Variants in SNX2 observed in about 807,000 individuals in gnomAD.
SNX2 encodes the protein sorting nexin-2.
A neutral mutation model predicts 69.9 loss-of-function variants in SNX2; 25 were observed. The ratio of observed to expected loss-of-function variants is 0.36; its 90% confidence interval spans 0.26 to 0.50. The LOEUF is 0.50. Ranked by LOEUF, SNX2 falls within the 20% of genes least tolerant of loss-of-function variation. The pLI is 0.97. For synonymous variants in SNX2, 229 were observed against 200.4 expected (o/e 1.14, Z -1.20); for missense variants, 551 against 613.3 (o/e 0.90, Z 1.07).
At position 122,834,463 on chromosome 5, in the gene SNX2, G is replaced by C. The variant is rs1754365186; in HGVS notation, c.*4815G>C. On this transcript the variant is annotated 3_prime_UTR_variant, in exon 15 of 15. Transcript: ENST00000379516. ...GTTAATGGGATAAACCGTTTTAAGA[G>C]AGTTGAGAAAAAATAAAGTTCTATT... 1 of 152,162 alleles carries C rather than the reference G, an allele frequency of 6.6e-6. No homozygotes were observed. Among genetic ancestry groups the C allele is most frequent in the Non-Finnish European group, 1.5e-5 (1 of 68,004 alleles). The allele number at this position is 152,162 out of a possible 1,614,324, so 9.4% of individuals were successfully genotyped here. A position where few individuals can be genotyped will look rare whatever the true frequency, so the allele number is the denominator to read the frequency against.
Position 122,831,936 on chromosome 5 carries a change from AG to A in SNX2, c.*2289del, listed in dbSNP as rs1160179106. Among the ~76,000 whole-genome samples the A allele has an allele frequency of 2.0e-5, 3 of 152,206 alleles. No homozygotes were observed. The highest frequency in any genetic ancestry group is 4.4e-5 in the Non-Finnish European group (3 of 68,026). On this transcript the variant is annotated 3_prime_UTR_variant, in exon 15 of 15. Transcript: ENST00000379516. ...AAAGATGAGTGTGCTGGAAATTTCA[AG>A]TATTATATGAGCCTCTGATACCTAC...
chr5:122,818,815 C>T lies in SNX2; in HGVS notation c.1007-3C>T. The T allele has an allele frequency of 6.2e-7, 1 of 1,602,932 alleles. No individual in the cohort carries two copies. Among genetic ancestry groups the T allele is most frequent in the Non-Finnish European group, 8.5e-7 (1 of 1,176,418 alleles). ...AAATTGCATACTTTTTTTTAAATTT[C>T]AGAACTTTCAGCCAACACAGCTGCC... is the stretch of plus-strand genomic sequence containing the variant. On this transcript the variant is annotated splice_polypyrimidine_tract_variant and splice_region_variant and intron_variant, in intron 10 of 14. Transcript: ENST00000379516.
intron 11 of SNX2, 117 bp downstream of exon 11, chr5:122,819,140 G>A: frequency 1.3e-6 from 1 of 741,916 alleles, no homozygotes; most frequent in Non-Finnish European, 2.2e-6. Flanking sequence ...GAATAAAATG[G>A]CTTCAAGATA....
intron 1 of SNX2, among the ~76,000 whole-genome samples, chr5:122,784,163 C>T (rs907937664): frequency 6.6e-6 from 1 of 150,632 alleles, no homozygotes. Flanking sequence ...TGTAGATAAT[C>T]ATATTGTTTG....
chr5:122,795,186 C>A, intron 1 of SNX2, 80 bp from the exon 2 acceptor site: 1 of 849,150 alleles, frequency 1.2e-6, no homozygotes, highest in Non-Finnish European at 2.0e-6. Flanking sequence ...AGAGAATGTT[C>A]TATTTCTGTA....
chr5:122,813,657 A>G (rs1021884779), intron 7 of SNX2, among the ~76,000 whole-genome samples: 1 of 152,042 alleles, frequency 6.6e-6, no homozygotes, highest in Non-Finnish European at 1.5e-5. Context: ...AGTCTTTTTC[A>G]TGGAATAGTA....
chr5:122,809,701 AT>A (rs1022560864), intron 7 of SNX2, among the ~76,000 whole-genome samples: 6 of 151,618 alleles, frequency 4.0e-5, no homozygotes, highest in African/African-American at 9.7e-5. Flanking sequence ...TAGGTCACAA[AT>A]TTTTTTTTAA....
At chr5:122,796,517 G>A (rs531391879) in intron 2 of SNX2, among the ~76,000 whole-genome samples, 21 of 152,170 alleles carry the variant, frequency 1.4e-4, no homozygotes, top group South Asian at 4.1e-4. Context: ...CAAAATCACC[G>A]TTAACCAAAG....
At chr5:122,824,385 T>G (rs1043300383) in intron 11 of SNX2, among the ~76,000 whole-genome samples, 2 of 152,082 alleles carry the variant, frequency 1.3e-5, no homozygotes, top group Non-Finnish European at 2.9e-5. Context: ...TTTTTCTGAA[T>G]CTATTTGTGT....
At chr5:122,797,198 G>C (rs780868228) in intron 2 of SNX2, among the ~76,000 whole-genome samples, 5 of 152,158 alleles carry the variant, frequency 3.3e-5, no homozygotes, top group Admixed American at 6.5e-5. Flanking sequence ...AAAGTATTGG[G>C]ATTACAGGCG....
In SNX2 at chr5:122,833,901, T is replaced by C. The variant is rs1467641066; in HGVS notation, c.*4253T>C. On this transcript the variant is annotated 3_prime_UTR_variant, in exon 15 of 15. Coordinates refer to ENST00000379516, the MANE Select transcript of SNX2 (RefSeq NM_003100.4). The stretch of plus-strand genomic sequence containing the variant: ...CAGGTATAATTTATGTGCAAGACTT[T>C]GTAGCATAATGTTTTGCAAGTAGTG... 3.9e-5 allele frequency: 6 copies of C among 152,210 alleles called. No homozygotes were observed. Among genetic ancestry groups the C allele is most frequent in the Non-Finnish European group, 8.8e-5 (6 of 68,026 alleles). 9.4% of individuals were successfully genotyped at this position (152,210 alleles called of 1,614,324 possible).
intron 3 of SNX2, among the ~76,000 whole-genome samples, chr5:122,801,329 G>A (rs1753503992): frequency 6.6e-6 from 1 of 152,110 alleles, no homozygotes. Flanking sequence ...TTTGGGCTGG[G>A]CGCAGTGGTT....
Position 122,795,393 on chromosome 5 carries a change from A to G in SNX2, c.226+10A>G, listed in dbSNP as rs368146300. The G allele has an allele frequency of 8.5e-6, 13 of 1,537,364 alleles. No individual in the cohort carries two copies. The Middle Eastern group carries it at 1.2e-3, about 140-fold the overall frequency. On this transcript the variant is annotated intron_variant, in intron 2 of 14. Transcript: ENST00000379516. ...GAAGATCTTTTTGCAGGTAATTGTC[A>G]TGTATTTATTTTTTAATAATGGTCA...
At chr5:122,775,670 G>C in intron 1 of SNX2, 1 of 986,834 alleles carries the variant, frequency 1.0e-6, no homozygotes, top group African/African-American at 1.7e-5. Context: ...GAGGGTCTGT[G>C]GGGAACGAAT....
intron 11 of SNX2, among the ~76,000 whole-genome samples, chr5:122,824,593 A>G (rs1458233199): frequency 2.0e-5 from 3 of 152,172 alleles, no homozygotes; most frequent in South Asian, 2.1e-4. Context: ...TTTGCCCTGG[A>G]TATCTTTTGT....
chr5:122,781,291 C>T (rs1017266807), intron 1 of SNX2, among the ~76,000 whole-genome samples: 1 of 152,098 alleles, frequency 6.6e-6, no homozygotes, highest in Non-Finnish European at 1.5e-5. Context: ...GTTTGACTTT[C>T]TTTAACTTAA....
chr5:122,800,369 C>T (rs1311909158), intron 3 of SNX2, among the ~76,000 whole-genome samples: 2 of 152,092 alleles, frequency 1.3e-5, no homozygotes, highest in African/African-American at 4.8e-5. Flanking sequence ...AAAAGTCATT[C>T]ATGGAAATAT....
chr5:122,827,748 A>C, intron 14 of SNX2, 102 bp downstream of exon 14: 1 of 786,384 alleles, frequency 1.3e-6, no homozygotes, highest in South Asian at 1.7e-5. Context: ...AAACTCAAGA[A>C]TAAGAAATGG....
At chr5:122,789,430 C>CACACACACACAT (rs1753168821) in intron 1 of SNX2, among the ~76,000 whole-genome samples, 1 of 96,306 alleles carries the variant, frequency 1.0e-5, no homozygotes. Context: ...CCTTCCCCAC[C>CACACACACACAT]ACACACACAC....
Sources: allele counts gnomAD v4.1 joint callset (sites outside exome capture counted in the v4.1 genomes callset), GRCh38; gene constraint gnomAD v4.1.1; transcripts MANE v1.5; gene names NCBI Gene and HGNC (gene_info 2026-07-23, HGNC 2026-07-21).